Variants in RNF149 observed in about 807,000 individuals in gnomAD.
RNF149 encodes ring finger protein 149.
RNF149 carries 21 observed loss-of-function variants against 39.0 expected under a neutral mutation model. The ratio of observed to expected loss-of-function variants is 0.54; its 90% confidence interval spans 0.38 to 0.77. The LOEUF (loss-of-function observed/expected upper bound fraction) is 0.77, where lower values mean the gene tolerates loss of function less well. Ranked by LOEUF, RNF149 falls within the 30% of genes least tolerant of loss-of-function variation. RNF149 has a pLI of 0.00. For missense variants in RNF149, 493 were observed against 534.9 expected, an observed-to-expected ratio of 0.92 and a Z score of 0.77; for synonymous variants, 209 against 213.6, an observed-to-expected ratio of 0.98 and a Z score of 0.19.
At chr2:101,281,589 C>CAAG (rs1313069270) in intron 6 of RNF149, 1 of 402,170 alleles carries the variant, frequency 2.5e-6, no homozygotes, top group African/African-American at 2.1e-5. Context: ...GCAGCCTGAA[C>CAAG]TCTTGGTCAC....
chr2:101,308,054 C>A, intron 1 of RNF149, 75 bp downstream of exon 1: 2 of 1,540,756 alleles, frequency 1.3e-6, no homozygotes, highest in South Asian at 1.2e-5. Context: ...GCCTGCGGTT[C>A]AGGGCCAACC....
At chr2:101,291,382 C>A (rs759219825) in intron 3 of RNF149, among the ~76,000 whole-genome samples, 9 of 151,982 alleles carry the variant, frequency 5.9e-5, no homozygotes, top group Non-Finnish European at 1.2e-4. Flanking sequence ...AACTCCTGAC[C>A]TCGTGATCCA....
chr2:101,282,244 T>A (rs1436763797), intron 5 of RNF149, among the ~76,000 whole-genome samples, 187 bp from the exon 6 acceptor site: 1 of 151,300 alleles, frequency 6.6e-6, no homozygotes, highest in African/African-American at 2.4e-5. Flanking sequence ...ACAACCAATC[T>A]CCTAAGGCCA....
At chr2:101,292,708 G>C (rs1683064022) in intron 3 of RNF149, among the ~76,000 whole-genome samples, 1 of 152,172 alleles carries the variant, frequency 6.6e-6, no homozygotes, top group Non-Finnish European at 1.5e-5. Flanking sequence ...GGAGCTTGCA[G>C]TGAGCCGAGA....
chr2:101,285,188 A>G (rs1409714173), intron 5 of RNF149, among the ~76,000 whole-genome samples: 1 of 152,118 alleles, frequency 6.6e-6, no homozygotes, highest in Non-Finnish European at 1.5e-5. Flanking sequence ...ATGAGCCACC[A>G]AGTCCAGCCT....
rs757198854 is a variant in RNF149 at position 101,295,096 on chromosome 2, C to A, written c.546G>T (p.Thr182=). The change falls in exon 2 of 7, where the codon ACG becomes ACT. Residue 182 remains threonine, a synonymous_variant. Coordinates refer to ENST00000295317, the MANE Select transcript of RNF149 (RefSeq NM_173647.4). ...GCCGGGTGCCAACCCCTATGGTCATCGTTACTGGAATTCCTTTTTGCACCA... is the reference window on the plus strand; with the variant it reads ...GCCGGGTGCCAACCCCTATGGTCATAGTTACTGGAATTCCTTTTTGCACCA... ...LELVQKGIPV[T]MTIGVGTRHV... 1.2e-6 allele frequency: 2 copies of A among 1,614,164 alleles called. No homozygotes were observed. The highest frequency in any genetic ancestry group is 2.2e-5 in the South Asian group (2 of 91,084).
intron 1 of RNF149, 186 bp downstream of exon 1, chr2:101,307,943 T>C (rs1284457212): frequency 2.0e-6 from 2 of 985,186 alleles, no homozygotes; most frequent in African/African-American, 3.5e-5. Context: ...CAGACTTACC[T>C]CCCTCCCAAC....
At chr2:101,282,283 C>T (rs745886060) in intron 5 of RNF149, among the ~76,000 whole-genome samples, 4 of 151,662 alleles carry the variant, frequency 2.6e-5, no homozygotes, top group Non-Finnish European at 5.9e-5. Flanking sequence ...AAAACATTTC[C>T]CCTCCTTGAT....
Position 101,294,142 on chromosome 2 carries a change from T to G in RNF149, c.712-60A>C. On this transcript the variant is annotated intron_variant, in intron 2 of 6. Coordinates refer to ENST00000295317, the MANE Select transcript of RNF149 (RefSeq NM_173647.4). ...AATTTAAATTAAATCACTATTTTTC[T>G]TAAAAGTCACAAATATAATACACAT... 3 of 967,608 alleles carry G rather than the reference T, an allele frequency of 3.1e-6. No homozygotes were observed. In the South Asian group the frequency reaches 4.2e-5, roughly 13 times the overall value. The allele number at this position is 967,608 out of a possible 1,614,324, so 59.9% of individuals were successfully genotyped here.
chr2:101,275,123 T>TG (rs1191301897), downstream of RNF149, among the ~76,000 whole-genome samples: 1 of 127,942 alleles, frequency 7.8e-6, no homozygotes, highest in Admixed American at 8.0e-5. Flanking sequence ...TTTTTTTTTT[T>TG]TTTTTTTTTT....
At chr2:101,278,981 T>C (rs1383915202) in intron 6 of RNF149, among the ~76,000 whole-genome samples, 1 of 152,260 alleles carries the variant, frequency 6.6e-6, no homozygotes, top group Non-Finnish European at 1.5e-5. Flanking sequence ...GAGAGTCTAG[T>C]AAATGTTTTC....
intron 3 of RNF149, among the ~76,000 whole-genome samples, chr2:101,290,684 C>T (rs1682973747): frequency 1.3e-5 from 2 of 152,190 alleles, no homozygotes; most frequent in African/African-American, 4.8e-5. Flanking sequence ...ATAGTTACCT[C>T]ACTAGTGATT....
chr2:101,298,509 G>A lies in RNF149; in HGVS notation c.461-3328C>T, dbSNP rs117844249. 1.1e-3 allele frequency among the ~76,000 whole-genome samples: 163 copies of A among 152,182 alleles called. 4 individuals carry two copies. The East Asian group carries it at 0.027, about 25-fold the overall frequency. ...AAGTTTTTGCTATCACAATCTAAAC[G>A]TCCATCGAAAGGAAAAAAGGTATAT... is the stretch of plus-strand genomic sequence containing the variant. On this transcript the variant is annotated intron_variant, in intron 1 of 6. Coordinates refer to ENST00000295317, the MANE Select transcript of RNF149 (RefSeq NM_173647.4).
intron 1 of RNF149, among the ~76,000 whole-genome samples, chr2:101,306,349 T>C (rs1683659383): frequency 2.0e-5 from 3 of 152,190 alleles, no homozygotes; most frequent in Non-Finnish European, 2.9e-5. Flanking sequence ...GGAACACTGT[T>C]GATAGTATGT....
In RNF149 at chr2:101,275,620, T is replaced by A. The variant is rs1682315944; in HGVS notation, c.*1618A>T. 1 of 154,270 alleles carries A rather than the reference T, an allele frequency of 6.5e-6. No individual in the cohort carries two copies. Among genetic ancestry groups the A allele is most frequent in the African/African-American group, 2.5e-5 (1 of 39,306 alleles). The allele number at this position is 154,270 out of a possible 1,614,324, so 9.6% of individuals were successfully genotyped here. A position where few individuals can be genotyped will look rare whatever the true frequency, so the allele number is the denominator to read the frequency against. On this transcript the variant is annotated 3_prime_UTR_variant, in exon 7 of 7. Coordinates refer to ENST00000295317, the MANE Select transcript of RNF149 (RefSeq NM_173647.4). ...CTACGCCCGGCTAATTTTTTGTATT[T>A]TTAGTAGAGACGGGGTTTCACCGTT... is the stretch of plus-strand genomic sequence containing the variant.
Position 101,277,389 on chromosome 2 carries a change from GAA to G in RNF149, c.1160-110_1160-109del, listed in dbSNP as rs1195490303. On this transcript the variant is annotated intron_variant, in intron 6 of 6. Transcript: ENST00000295317. ...TGGAGATAATTCAAGATGGTAAACA[GAA>G]AAAAAAATTTTTTTTGAGACGGAGT... The G allele has an allele frequency of 4.5e-4, 633 of 1,412,852 alleles. 2 individuals are homozygous for G. Among genetic ancestry groups the G allele is most frequent in the Non-Finnish European group, 6.7e-5 (72 of 1,073,828 alleles). 87.5% of individuals were successfully genotyped at this position (1,412,852 alleles called of 1,614,324 possible). A position where few individuals can be genotyped will look rare whatever the true frequency, so the allele number is the denominator to read the frequency against.
At chr2:101,293,959 C>T (rs1683116594) in intron 3 of RNF149, 55 bp downstream of exon 3, 23 of 996,610 alleles carry the variant, frequency 2.3e-5, no homozygotes, top group Non-Finnish European at 3.1e-5. Flanking sequence ...TAAACACGTA[C>T]AGCATATTCT....
At position 101,308,643 on chromosome 2, in the gene RNF149, A is replaced by G; in HGVS notation, c.-55T>C. 7.1e-7 allele frequency: 1 copy of G among 1,415,632 alleles called. No individual in the cohort carries two copies. Among genetic ancestry groups the G allele is most frequent in the Non-Finnish European group, 9.3e-7 (1 of 1,081,080 alleles). 87.7% of individuals were successfully genotyped at this position (1,415,632 alleles called of 1,614,324 possible). ...TCAGGGTCACGCGCGAGTGCGGTGC[A>G]GTCGAAGAGCAGAGAGAAGCGGACA... On this transcript the variant is annotated 5_prime_UTR_variant, in exon 1 of 7. Transcript: ENST00000295317.
chr2:101,289,374 TTTA>T (rs1160224385), intron 3 of RNF149, among the ~76,000 whole-genome samples: 1 of 152,126 alleles, frequency 6.6e-6, no homozygotes, highest in African/African-American at 2.4e-5. Context: ...CAGTAAACAT[TTTA>T]TTTATTATTG....
Sources: gnomAD v4.1 joint callset for allele counts (sites outside exome capture counted in the v4.1 genomes callset) on GRCh38, gnomAD v4.1.1 for gene constraint, MANE v1.5 for transcripts, NCBI Gene and HGNC (gene_info 2026-07-23, HGNC 2026-07-21) for gene names.